Variants in ARHGAP8 observed in about 807,000 individuals in gnomAD.
The protein encoded by ARHGAP8 is Rho GTPase activating protein 8, also known as rho GTPase-activating protein 8.
ARHGAP8 carries 62 observed loss-of-function variants against 46.1 expected under a neutral mutation model. The observed-to-expected ratio is 1.34, with a 90% CI of 1.10 to 1.66. The LOEUF is 1.66. Ranked by LOEUF, ARHGAP8 falls within the 40% of genes most tolerant of loss-of-function variation. The pLI, the probability that ARHGAP8 is intolerant of heterozygous loss-of-function variation, is 0.00. For synonymous variants in ARHGAP8, 375 were observed against 243.1 expected (o/e 1.54, Z -5.05); for missense variants, 923 against 568.4 (o/e 1.62, Z -6.34).
At chr22:44,821,859 G>A (rs1338459732) in intron 5 of ARHGAP8, among the ~76,000 whole-genome samples, 1 of 152,184 alleles carries the variant, frequency 6.6e-6, no homozygotes, top group Non-Finnish European at 1.5e-5. Flanking sequence ...TGCTCCCTGG[G>A]GTCCGAGAGA....
chr22:44,821,728 G>T (rs534570215), intron 5 of ARHGAP8, among the ~76,000 whole-genome samples: 4 of 152,346 alleles, frequency 2.6e-5, no homozygotes, highest in African/African-American at 7.2e-5. Context: ...TCACTTAGGA[G>T]GGAGAACCCC....
At chr22:44,822,226 G>T (rs907291571) in intron 5 of ARHGAP8, 145 bp from the exon 6 acceptor site, 4 of 662,896 alleles carry the variant, frequency 6.0e-6, no homozygotes, top group Non-Finnish European at 4.9e-6. Flanking sequence ...TTATGTTCGG[G>T]TTTTAAGTCG....
chr22:44,781,160 C>G (rs1557558), intron 1 of ARHGAP8, among the ~76,000 whole-genome samples: 133,259 of 152,202 alleles, frequency 0.88, 58,425 homozygotes, highest in Non-Finnish European at 0.89. Context: ...ACCCGCCGCT[C>G]TGGAAGAAAT....
chr22:44,783,233 A>G (rs1156716926), intron 1 of ARHGAP8, among the ~76,000 whole-genome samples: 1 of 152,024 alleles, frequency 6.6e-6, no homozygotes, highest in East Asian at 1.9e-4. Context: ...TGGCTCTCCC[A>G]TAGCCACGCT....
intron 5 of ARHGAP8, among the ~76,000 whole-genome samples, chr22:44,815,622 C>T (rs1302328690): frequency 4.0e-5 from 6 of 150,212 alleles, no homozygotes; most frequent in Non-Finnish European, 7.4e-5. Context: ...CCCAAATAAG[C>T]GGCCTAAAGA....
intron 2 of ARHGAP8, among the ~76,000 whole-genome samples, chr22:44,787,701 A>G (rs1270830599): frequency 6.6e-6 from 1 of 152,036 alleles, no homozygotes; most frequent in East Asian, 1.9e-4. Context: ...AGTGAGTCCA[A>G]CCCTCACGTT....
rs11912178 is a variant in ARHGAP8 at position 44,825,917 on chromosome 22, T to G, written c.596+324T>G. On this transcript the variant is annotated intron_variant, in intron 7 of 11. Coordinates refer to ENST00000356099, the MANE Select transcript of ARHGAP8 (RefSeq NM_181335.3). ...CTCCGTGCCTCGTTGGGGGGGCGCGTGCTGGGTGCCTGGTCGGGGGGGTGC... is the reference window on the plus strand; with the variant it reads ...CTCCGTGCCTCGTTGGGGGGGCGCGGGCTGGGTGCCTGGTCGGGGGGGTGC... 1.4e-3 allele frequency among the ~76,000 whole-genome samples: 140 copies of G among 99,532 alleles called. 1 individual carries two copies. The highest frequency in any genetic ancestry group is 4.9e-3 in the African/African-American group (122 of 24,802). 65.3% of individuals were successfully genotyped at this position (99,532 alleles called of 152,430 possible).
chr22:44,824,891 C>T (rs1042879933), intron 6 of ARHGAP8, among the ~76,000 whole-genome samples: 9 of 151,954 alleles, frequency 5.9e-5, no homozygotes, highest in African/African-American at 1.9e-4. Flanking sequence ...CCTCGGCCTC[C>T]CAAAGTGTTG....
chr22:44,771,680 G>A lies in ARHGAP8; in HGVS notation c.-71-14777G>A, dbSNP rs372978251. On this transcript the variant is annotated intron_variant, in intron 1 of 11. Coordinates refer to ENST00000356099, the MANE Select transcript of ARHGAP8 (RefSeq NM_181335.3). ...AGCGATTCTCCTGCCTCAGACTCCC[G>A]AGTAGCTGGGATTACAGGCACCTGC... 1.0e-3 allele frequency among the ~76,000 whole-genome samples: 157 copies of A among 150,896 alleles called. 3 individuals carry two copies. In the South Asian group the frequency reaches 0.032, roughly 30 times the overall value.
chr22:44,784,052 A>T (rs1183788023), intron 1 of ARHGAP8, among the ~76,000 whole-genome samples: 1 of 152,142 alleles, frequency 6.6e-6, no homozygotes, highest in Non-Finnish European at 1.5e-5. Flanking sequence ...AAAATACAAT[A>T]ATAAAAGCAA....
chr22:44,773,418 A>T (rs1442397299), intron 1 of ARHGAP8, among the ~76,000 whole-genome samples: 1 of 152,200 alleles, frequency 6.6e-6, no homozygotes, highest in Non-Finnish European at 1.5e-5. Context: ...ACATACATGC[A>T]TTTATATAGT....
chr22:44,783,938 T>G (rs1927032299), intron 1 of ARHGAP8, among the ~76,000 whole-genome samples: 1 of 152,140 alleles, frequency 6.6e-6, no homozygotes, highest in South Asian at 2.1e-4. Context: ...GCCTCATTCT[T>G]GTAAGGACCC....
At chr22:44,777,598 T>C (rs1926516180) in intron 1 of ARHGAP8, among the ~76,000 whole-genome samples, 1 of 149,170 alleles carries the variant, frequency 6.7e-6, no homozygotes, top group Non-Finnish European at 1.5e-5. Context: ...AGACACCCAG[T>C]GGCTTTACTT....
At chr22:44,837,594 G>C (rs62232218) in intron 7 of ARHGAP8, among the ~76,000 whole-genome samples, 1 of 152,148 alleles carries the variant, frequency 6.6e-6, no homozygotes, top group Non-Finnish European at 1.5e-5. Flanking sequence ...ACCCAGCCAG[G>C]AAACACAGCA....
chr22:44,773,399 T>C (rs867437094), intron 1 of ARHGAP8, among the ~76,000 whole-genome samples: 1 of 152,202 alleles, frequency 6.6e-6, no homozygotes, highest in Non-Finnish European at 1.5e-5. Flanking sequence ...TTCTGATTGG[T>C]GAATTGAAAC....
In ARHGAP8 at chr22:44,802,178, C is replaced by T. The variant is rs770544788; in HGVS notation, c.167+14C>T. On this transcript the variant is annotated intron_variant, in intron 3 of 11. Transcript: ENST00000356099. ...GCGGCTGCTGGAGTAAGTGTTCTGC[C>T]CCCTCTCTTTCTGTCCCTGTCTCTC... The T allele has an allele frequency of 8.7e-6, 14 of 1,613,794 alleles. No individual in the cohort carries two copies. The African/African-American group carries it at 1.5e-4, about 17-fold the overall frequency.
At chr22:44,858,073 C>T (rs118037809) in intron 10 of ARHGAP8, among the ~76,000 whole-genome samples, 2,040 of 152,324 alleles carry the variant, frequency 0.013, 22 homozygotes, top group Non-Finnish European at 0.021. Context: ...CAAGGGAATT[C>T]CTTGTCCATT....
intron 2 of ARHGAP8, among the ~76,000 whole-genome samples, chr22:44,790,668 C>T (rs1174344214): frequency 1.9e-5 from 2 of 107,722 alleles, no homozygotes; most frequent in African/African-American, 3.7e-5. Context: ...AAGAGCAAAA[C>T]TCTGTCTCAA....
At chr22:44,852,416 G>A (rs1361475685) in intron 10 of ARHGAP8, among the ~76,000 whole-genome samples, 3 of 152,090 alleles carry the variant, frequency 2.0e-5, no homozygotes, top group Non-Finnish European at 4.4e-5. Context: ...CACAGAAGTA[G>A]GGGGAGTCAG....
Sources: gnomAD v4.1 joint callset for allele counts (sites outside exome capture counted in the v4.1 genomes callset) on GRCh38, gnomAD v4.1.1 for gene constraint, MANE v1.5 for transcripts, NCBI Gene and HGNC (gene_info 2026-07-23, HGNC 2026-07-21) for gene names.